ZNF75D: variants seen among roughly 807,000 people sequenced by gnomAD.
The protein encoded by ZNF75D is zinc finger protein 75D, also known as zinc finger protein 75.
A neutral mutation model predicts 33.3 loss-of-function variants in ZNF75D; 33 were observed. That is an observed-to-expected ratio of 0.99 (90% CI 0.75 to 1.32). ZNF75D has a LOEUF of 1.32. ZNF75D is among the 40% of genes most tolerant of loss of function. The probability of loss-of-function intolerance (pLI) is 0.00; values close to 1 mark genes in which losing one functional copy is unlikely to be tolerated. For synonymous variants in ZNF75D, 113 were observed against 130.6 expected (o/e 0.87, Z 0.92); for missense variants, 338 against 367.5 (o/e 0.92, Z 0.66).
At chrX:135,289,313 T>C (rs1556420558) in intron 6 of ZNF75D, among the ~76,000 whole-genome samples, 1 of 112,416 alleles carries the variant, frequency 8.9e-6, no homozygotes, top group African/African-American at 3.2e-5. Flanking sequence ...CATTTGTTTG[T>C]GGCAAGAAAT....
At chrX:135,262,964 A>C (rs2083848709) in intron 1 of ZNF75D, among the ~76,000 whole-genome samples, 1 of 112,411 alleles carries the variant, frequency 8.9e-6, no homozygotes. Flanking sequence ...TTGGTGACCT[A>C]CAGATGGGAT....
chrX:135,291,994 C>T (rs1367315544), intron 4 of ZNF75D, among the ~76,000 whole-genome samples: 2 of 111,933 alleles, frequency 1.8e-5, no homozygotes, highest in Non-Finnish European at 3.8e-5. Context: ...TTTCCTACAA[C>T]TTATGAGAGG....
In ZNF75D at chrX:135,343,437, G is replaced by T. The variant is rs898391459; in HGVS notation, c.-2060C>A. ...AACTCCAGAATCTGCTCCATGGAGC[G>T]CATCTCAGGCCAAAGTCACCCATGG... On this transcript the variant is annotated 5_prime_UTR_variant, in exon 1 of 7. It introduces an in-frame stop codon into an upstream open reading frame of the 5' UTR. Coordinates refer to ENST00000370766, the MANE Select transcript of ZNF75D (RefSeq NM_007131.5). 5.1e-5 allele frequency: 7 copies of T among 137,558 alleles called. No individual in the cohort carries two copies. The highest frequency in any genetic ancestry group is 1.1e-4 in the Non-Finnish European group (7 of 65,921). The allele number at this position is 137,558 out of a possible 1,213,427, so 11.3% of individuals were successfully genotyped here. A position where few individuals can be genotyped will look rare whatever the true frequency, so the allele number is the denominator to read the frequency against.
Position 135,300,415 on chromosome X carries a change from G to A in ZNF75D, c.-390-4376C>T, listed in dbSNP as rs188036441. Among the ~76,000 whole-genome samples the A allele has an allele frequency of 8.4e-4, 94 of 111,680 alleles. 2 individuals carry two copies. Among genetic ancestry groups the A allele is most frequent in the African/African-American group, 3.0e-3 (92 of 30,694 alleles). ...GGCCAAATGGACCCTATGCAAAAGG[G>A]GAAAGTCAGAAGTGGACCTTCATTG... On this transcript the variant is annotated intron_variant, in intron 1 of 6. Transcript: ENST00000370766.
At chrX:135,320,798 G>A (rs1556433996) in intron 1 of ZNF75D, among the ~76,000 whole-genome samples, 1 of 111,292 alleles carries the variant, frequency 9.0e-6, no homozygotes, top group Admixed American at 9.5e-5. Context: ...TTCTTCCAAT[G>A]CATTATGGGA....
chrX:135,276,090 TTCTC>T (rs1187549838), intron 1 of ZNF75D, among the ~76,000 whole-genome samples: 11 of 111,111 alleles, frequency 9.9e-5, no homozygotes, highest in Non-Finnish European at 1.9e-4. Flanking sequence ...AGACTCTGGC[TTCTC>T]TCTCTCTCTG....
At chrX:135,306,554 T>G (rs782064849) in intron 1 of ZNF75D, among the ~76,000 whole-genome samples, 2 of 112,169 alleles carry the variant, frequency 1.8e-5, no homozygotes, top group South Asian at 7.5e-4. Context: ...TTTTCCAGTA[T>G]AATTGCATCT....
intron 1 of ZNF75D, among the ~76,000 whole-genome samples, chrX:135,274,871 A>G (rs2083894428): frequency 8.9e-6 from 1 of 112,203 alleles, no homozygotes; most frequent in Non-Finnish European, 1.9e-5. Context: ...AAATGCCCAT[A>G]TCTGACAGTT....
At chrX:135,250,369 T>C (rs2083776582) in intron 3 of ZNF75D, among the ~76,000 whole-genome samples, 1 of 92,590 alleles carries the variant, frequency 1.1e-5, no homozygotes. Flanking sequence ...AGGGAGTGTG[T>C]GACCTGGGTC....
At chrX:135,322,258 C>G (rs1258250293) in intron 1 of ZNF75D, among the ~76,000 whole-genome samples, 1 of 111,987 alleles carries the variant, frequency 8.9e-6, no homozygotes, top group Non-Finnish European at 1.9e-5. Context: ...TCTGTCAACC[C>G]ATTTTAGAAT....
chrX:135,306,297 A>G (rs1273488195), intron 1 of ZNF75D, among the ~76,000 whole-genome samples: 1 of 77,017 alleles, frequency 1.3e-5, no homozygotes, highest in African/African-American at 3.9e-5. Flanking sequence ...ATACACACAC[A>G]CACACACACA....
chrX:135,324,239 G>C (rs2084533163), intron 1 of ZNF75D, among the ~76,000 whole-genome samples: 1 of 111,881 alleles, frequency 8.9e-6, no homozygotes, highest in African/African-American at 3.3e-5. Flanking sequence ...GCTTAGAGAA[G>C]TGAACCCAAT....
intron 1 of ZNF75D, among the ~76,000 whole-genome samples, chrX:135,319,570 G>T (rs1006518477): frequency 1.2e-4 from 13 of 112,024 alleles, no homozygotes; most frequent in African/African-American, 4.2e-4. Flanking sequence ...CCTATGAGGA[G>T]TGGTCTTTTT....
intron 1 of ZNF75D, among the ~76,000 whole-genome samples, chrX:135,301,682 A>G (rs1287813891): frequency 8.9e-6 from 1 of 112,084 alleles, no homozygotes; most frequent in East Asian, 2.8e-4. Context: ...CATGCTGATG[A>G]AAGGGGTAGT....
Position 135,260,677 on chromosome X carries a change from T to C in ZNF75D, n.828-4900A>G, listed in dbSNP as rs782207039. Among the ~76,000 whole-genome samples, 321 of 112,168 alleles carry C rather than the reference T, an allele frequency of 2.9e-3. 2 individuals are homozygous for C. The highest frequency in any genetic ancestry group is 1.0e-2 in the African/African-American group (308 of 30,903). On this transcript the variant is annotated intron_variant and non_coding_transcript_variant, in intron 1 of 3. Transcript: ENST00000494295. ...ATTATATTTTATTGTGTATATTTGATTCTTCTCTCTTTTCTTCTTTATTAG... is the reference window on the plus strand; with the variant it reads ...ATTATATTTTATTGTGTATATTTGACTCTTCTCTCTTTTCTTCTTTATTAG...
intron 1 of ZNF75D, among the ~76,000 whole-genome samples, chrX:135,278,413 T>C (rs1054988784): frequency 8.9e-6 from 1 of 112,127 alleles, no homozygotes; most frequent in African/African-American, 3.2e-5. Context: ...TTTTAAAATA[T>C]ACAATCATAT....
intron 1 of ZNF75D, among the ~76,000 whole-genome samples, chrX:135,302,702 T>C (rs782191364): frequency 8.9e-6 from 1 of 111,788 alleles, no homozygotes; most frequent in East Asian, 2.8e-4. Flanking sequence ...GATAGTGTGG[T>C]GCAAAGTTTT....
At chrX:135,301,664 A>G (rs1216743739) in intron 1 of ZNF75D, among the ~76,000 whole-genome samples, 9 of 112,057 alleles carry the variant, frequency 8.0e-5, no homozygotes, top group African/African-American at 2.9e-4. Context: ...CATGTCTCAT[A>G]TCCAGGGCAT....
chrX:135,314,064 T>C (rs2148484302), intron 1 of ZNF75D, among the ~76,000 whole-genome samples: 1 of 111,860 alleles, frequency 8.9e-6, no homozygotes, highest in South Asian at 3.7e-4. Context: ...CCTTAACTTG[T>C]TCCAGTTCTT....
Sources: gnomAD v4.1 joint callset for allele counts (sites outside exome capture counted in the v4.1 genomes callset) on GRCh38, gnomAD v4.1.1 for gene constraint, MANE v1.5 for transcripts, NCBI Gene and HGNC (gene_info 2026-07-23, HGNC 2026-07-21) for gene names.